DSG4: variants seen among roughly 807,000 people sequenced by gnomAD.
The protein encoded by DSG4 is desmoglein-4.
DSG4 carries 87 observed loss-of-function variants against 93.1 expected under a neutral mutation model. That is an observed-to-expected ratio of 0.93 (90% CI 0.79 to 1.12). The LOEUF (loss-of-function observed/expected upper bound fraction) is 1.12. Ranked by LOEUF, DSG4 falls within the 50% of genes most tolerant of loss-of-function variation. The pLI is 0.00. For synonymous variants in DSG4, 432 were observed against 452.9 expected, an observed-to-expected ratio of 0.95 and a Z score of 0.59; for missense variants, 1,373 against 1,285.7, an observed-to-expected ratio of 1.07 and a Z score of -1.04.
chr18:31,391,340 A>G (rs890212247), intron 7 of DSG4, 128 bp downstream of exon 7: 4 of 1,334,384 alleles, frequency 3.0e-6, no homozygotes, highest in Non-Finnish European at 4.2e-6. Context: ...CAACTTTGTT[A>G]TAGAAACTTT....
At chr18:31,404,458 A>G (rs1423744005) in intron 11 of DSG4, among the ~76,000 whole-genome samples, 1 of 152,176 alleles carries the variant, frequency 6.6e-6, no homozygotes, top group Non-Finnish European at 1.5e-5. Flanking sequence ...CTATGAGAGG[A>G]TCTCATATGG....
At chr18:31,378,645 G>A (rs1388659466) in intron 1 of DSG4, among the ~76,000 whole-genome samples, 1 of 151,980 alleles carries the variant, frequency 6.6e-6, no homozygotes, top group East Asian at 1.9e-4. Flanking sequence ...TGATATTGAA[G>A]TCTTTGTGTT....
intron 12 of DSG4, 64 bp downstream of exon 12, chr18:31,406,437 C>T: frequency 6.3e-7 from 1 of 1,599,486 alleles, no homozygotes; most frequent in East Asian, 2.2e-5. Flanking sequence ...ACGAGGCTCG[C>T]TGGGATGGTT....
At chr18:31,389,812 AT>A (rs934909774) in intron 5 of DSG4, among the ~76,000 whole-genome samples, 2 of 151,894 alleles carry the variant, frequency 1.3e-5, no homozygotes, top group African/African-American at 2.4e-5. Context: ...TAAACACAAA[AT>A]TTTTTTTTGA....
At chr18:31,379,068 C>T (rs1049439783) in intron 1 of DSG4, among the ~76,000 whole-genome samples, 1 of 152,158 alleles carries the variant, frequency 6.6e-6, no homozygotes, top group Non-Finnish European at 1.5e-5. Flanking sequence ...ACTCAAAACT[C>T]TAGATTACAA....
chr18:31,392,344 C>G lies in DSG4; in HGVS notation c.1005+4C>G. ...AGGCATTTTGAAAGTTGTCAAGGTA[C>G]AGTATAAGGATCTGCAATATTTTCT... On this transcript the variant is annotated splice_donor_region_variant and intron_variant, in intron 8 of 15. Transcript: ENST00000308128. 7 of 1,613,252 alleles carry G rather than the reference C, an allele frequency of 4.3e-6. No homozygotes were observed. The highest frequency in any genetic ancestry group is 5.9e-6 in the Non-Finnish European group (7 of 1,179,552).
At position 31,391,028 on chromosome 18, in the gene DSG4, T is replaced by A. The variant is rs756900453; in HGVS notation, c.685-50T>A. 7.5e-6 allele frequency: 12 copies of A among 1,609,968 alleles called. No individual in the cohort carries two copies. In the South Asian group the frequency reaches 1.3e-4, roughly 18 times the overall value. ...AATAATGGCATTGAATGCATTGGAT[T>A]CTATTCAAGACAAAACCTAAGTCTT... On this transcript the variant is annotated intron_variant, in intron 6 of 15. Coordinates refer to ENST00000308128, the MANE Select transcript of DSG4 (RefSeq NM_177986.5).
chr18:31,405,037 T>C (rs1215695213), intron 11 of DSG4, among the ~76,000 whole-genome samples: 1 of 152,238 alleles, frequency 6.6e-6, no homozygotes, highest in African/African-American at 2.4e-5. Flanking sequence ...GCTGTGGCAT[T>C]GCCTTATCTC....
chr18:31,382,781 G>T (rs188137147), intron 1 of DSG4, among the ~76,000 whole-genome samples: 1 of 152,108 alleles, frequency 6.6e-6, no homozygotes, highest in African/African-American at 2.4e-5. Context: ...TACTATGGAA[G>T]CCTCCATCAG....
chr18:31,400,942 C>T lies in DSG4; in HGVS notation c.1339C>T (p.Gln447Ter), dbSNP rs2072358255. 1.2e-6 allele frequency: 2 copies of T among 1,612,172 alleles called. No homozygotes were observed. The highest frequency in any genetic ancestry group is 2.2e-5 in the East Asian group (1 of 44,722). ...AATTGATTCAAGAACTGGTGAGATA[C>T]AATTTTCTAGAGAATTTGATAAGAA... is the stretch of plus-strand genomic sequence containing the variant. ...LKIDSRTGEIQFSREFDKKSK... is the reference protein window; with the variant it reads ...LKIDSRTGEI The change falls in exon 10 of 16, where the codon CAA becomes TAA. Residue 447 changes from glutamine to a stop codon, truncating the protein, a stop_gained. Coordinates refer to ENST00000308128, the MANE Select transcript of DSG4 (RefSeq NM_177986.5). LOFTEE classifies it high-confidence loss of function.
At chr18:31,399,995 G>A (rs1418778124) in intron 9 of DSG4, among the ~76,000 whole-genome samples, 2 of 152,100 alleles carry the variant, frequency 1.3e-5, no homozygotes, top group African/African-American at 2.4e-5. Flanking sequence ...TCATAGAAGC[G>A]AAAAACAGTG....
chr18:31,393,584 A>G (rs775774865), intron 8 of DSG4, among the ~76,000 whole-genome samples: 6 of 151,956 alleles, frequency 3.9e-5, no homozygotes, highest in Admixed American at 6.6e-5. Context: ...ATGGTGGTAA[A>G]CCATTCGTGA....
chr18:31,405,896 GAAT>G (rs145220927), intron 11 of DSG4, among the ~76,000 whole-genome samples, 178 bp from the exon 12 acceptor site: 11,773 of 150,712 alleles, frequency 0.078, 516 homozygotes, highest in Admixed American at 0.13. Context: ...AAAATAACAA[GAAT>G]AATAATAATA....
intron 8 of DSG4, among the ~76,000 whole-genome samples, chr18:31,396,105 C>T (rs1598743295): frequency 1.3e-5 from 2 of 151,716 alleles, no homozygotes; most frequent in African/African-American, 4.8e-5. Flanking sequence ...TATATGAAAA[C>T]GCAAGCAATA....
intron 8 of DSG4, 71 bp from the exon 9 acceptor site, chr18:31,399,201 A>C (rs1055430710): frequency 6.3e-7 from 1 of 1,597,294 alleles, no homozygotes; most frequent in African/African-American, 1.3e-5. Context: ...GGTTTGCTTT[A>C]CCATGGCTTC....
chr18:31,381,348 A>T (rs1386204204), intron 1 of DSG4, among the ~76,000 whole-genome samples: 3 of 152,062 alleles, frequency 2.0e-5, no homozygotes, highest in Non-Finnish European at 2.9e-5. Context: ...ATTTGAAGAG[A>T]TTACAAAAGT....
chr18:31,402,701 AAG>A (rs1362870096), intron 10 of DSG4, among the ~76,000 whole-genome samples: 2 of 77,638 alleles, frequency 2.6e-5, no homozygotes, highest in Non-Finnish European at 6.8e-5. Flanking sequence ...TCAAGTTAAA[AAG>A]AAGCAAAAAA....
Position 31,412,931 on chromosome 18 carries a change from G to A in DSG4, c.2459G>A (p.Cys820Tyr). 1.2e-6 allele frequency: 2 copies of A among 1,614,196 alleles called. No individual in the cohort carries two copies. The highest frequency in any genetic ancestry group is 1.7e-6 in the Non-Finnish European group (2 of 1,180,034). The part of the protein sequence containing the change: ...GVGSPVGSIG[C>Y]CSWIVDDLDE... Reference sequence around the variant, plus strand: ...GGGTCTCCCGTAGGCTCTATTGGTTGTTGCAGTTGGATTGTGGATGACTTA... The same window carrying A: ...GGGTCTCCCGTAGGCTCTATTGGTTATTGCAGTTGGATTGTGGATGACTTA... The change falls in exon 16 of 16, where the codon TGT becomes TAT. Residue 820 changes from cysteine (C) to tyrosine (Y), a missense_variant. Physicochemically the swap from Cys to Tyr is radical, Grantham distance 194. Transcript: ENST00000308128.
chr18:31,384,700 T>C (rs1389462624), intron 1 of DSG4, among the ~76,000 whole-genome samples: 3 of 152,182 alleles, frequency 2.0e-5, no homozygotes, highest in Non-Finnish European at 4.4e-5. Flanking sequence ...AAAATATTAT[T>C]GACCGTTTCT....
Sources: gnomAD v4.1 joint callset for allele counts (sites outside exome capture counted in the v4.1 genomes callset) on GRCh38, gnomAD v4.1.1 for gene constraint, MANE v1.5 for transcripts, NCBI Gene and HGNC (gene_info 2026-07-23, HGNC 2026-07-21) for gene names.